Variants in ECHDC1 observed in about 807,000 individuals in gnomAD.
The protein encoded by ECHDC1 is ethylmalonyl-CoA decarboxylase.
A neutral mutation model predicts 29.7 loss-of-function variants in ECHDC1; 29 were observed. The observed-to-expected ratio is 0.98, with a 90% CI of 0.73 to 1.33. The LOEUF is 1.33. Ranked by LOEUF, ECHDC1 falls within the 40% of genes most tolerant of loss-of-function variation. The pLI is 0.00. For synonymous variants in ECHDC1, 126 were observed against 123.1 expected (o/e 1.02, Z -0.15); for missense variants, 328 against 350.0 (o/e 0.94, Z 0.50).
chr6:127,330,977 G>C lies in ECHDC1; in HGVS notation c.52C>G (p.Leu18Val). The change falls in exon 2 of 6, where the codon CTA becomes GTA. Residue 18 changes from leucine (L) to valine (V), a missense_variant. Leu to Val is a conservative substitution (Grantham distance 32). Transcript: ENST00000454859. ...TASLSGRTKL[L>V]HQTGLSLYST... ...TAAAGTGACAATCCTGTTTGATGTA[G>C]CAATTTTGTCCTTCCAGACAGAGAG... The C allele has an allele frequency of 6.8e-6, 11 of 1,613,888 alleles. No homozygotes were observed. Among genetic ancestry groups the C allele is most frequent in the Non-Finnish European group, 8.5e-6 (10 of 1,180,016 alleles).
chr6:127,326,467 G>A (rs757447339), intron 3 of ECHDC1: 19 of 430,376 alleles, frequency 4.4e-5, no homozygotes, highest in Middle Eastern at 3.5e-4. Flanking sequence ...CTATCACATC[G>A]GTTCATTAGT....
At chr6:127,332,482 G>A (rs906789616) in intron 1 of ECHDC1, among the ~76,000 whole-genome samples, 1 of 152,076 alleles carries the variant, frequency 6.6e-6, no homozygotes, top group Non-Finnish European at 1.5e-5. Context: ...TACACATTTT[G>A]GGGAGACATG....
intron 5 of ECHDC1, among the ~76,000 whole-genome samples, chr6:127,306,614 T>C (rs1781460487): frequency 6.6e-6 from 1 of 152,212 alleles, no homozygotes; most frequent in African/African-American, 2.4e-5. Context: ...TCTTCTGCCA[T>C]GAGTGTACAT....
intron 4 of ECHDC1, 27 bp downstream of exon 4, chr6:127,316,423 C>A: frequency 6.3e-7 from 1 of 1,580,532 alleles, no homozygotes; most frequent in Non-Finnish European, 8.6e-7. Flanking sequence ...TTTTAGAAAT[C>A]ATATTTTAAA....
At chr6:127,317,533 A>G (rs976625660) in intron 3 of ECHDC1, among the ~76,000 whole-genome samples, 1 of 152,034 alleles carries the variant, frequency 6.6e-6, no homozygotes, top group East Asian at 1.9e-4. Flanking sequence ...TTCCTCATTC[A>G]TAAGAAATGA....
At chr6:127,300,504 A>T (rs971068461) in intron 5 of ECHDC1, among the ~76,000 whole-genome samples, 1 of 152,242 alleles carries the variant, frequency 6.6e-6, no homozygotes, top group Non-Finnish European at 1.5e-5. Flanking sequence ...TTCCAGCTGT[A>T]GTCAGAGAAA....
chr6:127,318,499 C>G (rs1259350813), intron 3 of ECHDC1, among the ~76,000 whole-genome samples: 1 of 152,086 alleles, frequency 6.6e-6, no homozygotes, highest in African/African-American at 2.4e-5. Context: ...AAGAAGTTCT[C>G]AATAATTTTG....
rs1779958003 is a variant in ECHDC1 at position 127,289,791 on chromosome 6, T to C, written c.*78A>G. ...GTAGCCTTCAAAGTAATTCTGATGT[T>C]CATATTTAATATCATTTAACATTTA... On this transcript the variant is annotated 3_prime_UTR_variant, in exon 6 of 6. Coordinates refer to ENST00000454859, the MANE Select transcript of ECHDC1 (RefSeq NM_001002030.2). 5.1e-6 allele frequency: 7 copies of C among 1,359,552 alleles called. No homozygotes were observed. Among genetic ancestry groups the C allele is most frequent in the Non-Finnish European group, 7.0e-6 (7 of 1,004,596 alleles). The allele number at this position is 1,359,552 out of a possible 1,614,324, so 84.2% of individuals were successfully genotyped here.
intron 5 of ECHDC1, among the ~76,000 whole-genome samples, chr6:127,293,903 A>G (rs1780389239): frequency 6.6e-6 from 1 of 152,200 alleles, no homozygotes; most frequent in Non-Finnish European, 1.5e-5. Flanking sequence ...TCAACACTGT[A>G]TAACCAGCAA....
chr6:127,309,648 T>G (rs770277042), intron 5 of ECHDC1, among the ~76,000 whole-genome samples: 2 of 152,084 alleles, frequency 1.3e-5, no homozygotes, highest in Non-Finnish European at 2.9e-5. Flanking sequence ...TCTTGAGCAA[T>G]ATTCCACAAG....
chr6:127,331,791 A>T (rs1783980236), intron 1 of ECHDC1: 1 of 978,022 alleles, frequency 1.0e-6, no homozygotes, highest in Non-Finnish European at 1.2e-6. Context: ...GAGCAATCCC[A>T]CTCTCTAACA....
intron 5 of ECHDC1, among the ~76,000 whole-genome samples, chr6:127,309,141 A>G (rs915487439): frequency 6.6e-6 from 1 of 152,174 alleles, no homozygotes; most frequent in Non-Finnish European, 1.5e-5. Flanking sequence ...AACACAGAAT[A>G]GCCAAAACTA....
chr6:127,343,182 C>T (rs968925127), intron 1 of ECHDC1, 154 bp downstream of exon 1: 14 of 152,186 alleles, frequency 9.2e-5, no homozygotes, highest in African/African-American at 3.4e-4. Flanking sequence ...CTGCGCGGCG[C>T]TTGCAAGGGA....
intron 1 of ECHDC1, chr6:127,342,487 G>A: frequency 9.6e-7 from 1 of 1,038,212 alleles, no homozygotes; most frequent in Non-Finnish European, 1.4e-6. Flanking sequence ...AGGATCGCCC[G>A]TTCTATTACT....
chr6:127,330,128 A>G lies in ECHDC1; in HGVS notation c.220+681T>C, dbSNP rs1783789746. Among the ~76,000 whole-genome samples the G allele has an allele frequency of 2.0e-5, 3 of 152,246 alleles. No homozygotes were observed. In the South Asian group the frequency reaches 6.2e-4, roughly 31 times the overall value. ...AAATAGGAGTGGTGAGTATTCAACA[A>G]GGCTACTCATTAGCTCCTGCATAAC... On this transcript the variant is annotated intron_variant, in intron 2 of 5. Coordinates refer to ENST00000454859, the MANE Select transcript of ECHDC1 (RefSeq NM_001002030.2).
chr6:127,296,671 AT>A (rs1453362620), intron 5 of ECHDC1, among the ~76,000 whole-genome samples: 2 of 151,792 alleles, frequency 1.3e-5, no homozygotes, highest in African/African-American at 4.8e-5. Context: ...ACCAAAAAAA[AT>A]TTTTTAATGG....
At chr6:127,292,234 C>T (rs750672085) in intron 5 of ECHDC1, among the ~76,000 whole-genome samples, 3 of 151,888 alleles carry the variant, frequency 2.0e-5, no homozygotes, top group Non-Finnish European at 4.4e-5. Flanking sequence ...GGTTAAAGTC[C>T]TAGATGTTGG....
chr6:127,307,464 A>G (rs9388560), intron 5 of ECHDC1, among the ~76,000 whole-genome samples: 19,847 of 151,780 alleles, frequency 0.13, 2,552 homozygotes, highest in East Asian at 0.56. Flanking sequence ...GCCCATCTCT[A>G]CTAAAAATAC....
At chr6:127,340,097 A>G (rs749110714) in intron 1 of ECHDC1, among the ~76,000 whole-genome samples, 1 of 152,248 alleles carries the variant, frequency 6.6e-6, no homozygotes, top group African/African-American at 2.4e-5. Context: ...TTTTTAAGAA[A>G]TGAGGTTAAT....
Sources: allele counts gnomAD v4.1 joint callset (sites outside exome capture counted in the v4.1 genomes callset), GRCh38; gene constraint gnomAD v4.1.1; transcripts MANE v1.5; gene names NCBI Gene and HGNC (gene_info 2026-07-23, HGNC 2026-07-21).